The following CDKN2B-AS1 variants were observed in gnomAD, a reference collection of about 807,000 sequenced individuals.
The protein encoded by CDKN2B-AS1 is CDKN2B antisense RNA 1 (non-protein coding).
At chr9:22,071,285 CTTTTTTTTTTTTTTT>C (rs71336509) in intron 4 of CDKN2B-AS1, among the ~76,000 whole-genome samples, 1 of 67,580 alleles carries the variant, frequency 1.5e-5, no homozygotes, top group Non-Finnish European at 2.5e-5. Flanking sequence ...AAATATCTAG[CTTTTTTTTTTTTTTT>C]TTTTTTTTTT....
At position 22,128,087 on chromosome 9, in the gene CDKN2B-AS1, C is replaced by T. The variant is rs111685664; in HGVS notation, n.1423C>T. Among the ~76,000 whole-genome samples the T allele has an allele frequency of 2.1e-3, 314 of 152,150 alleles. 2 individuals carry two copies. The highest frequency in any genetic ancestry group is 7.2e-3 in the African/African-American group (297 of 41,524). ...TATAATATTAAAACATTTCTGATAC[C>T]TATGCATTATATTGGATCAATATAT... On this transcript the variant is annotated non_coding_transcript_exon_variant, in exon 5 of 5. Coordinates refer to ENST00000650946, the Ensembl canonical transcript of CDKN2B-AS1.
intron 4 of CDKN2B-AS1, among the ~76,000 whole-genome samples, chr9:22,114,490 A>G (rs1466214423): frequency 6.6e-6 from 1 of 152,212 alleles, no homozygotes; most frequent in African/African-American, 2.4e-5. Flanking sequence ...TGTAAGACTC[A>G]TCCCCATGAA....
chr9:22,017,850 C>T (rs1821840316), intron 1 of CDKN2B-AS1, among the ~76,000 whole-genome samples: 1 of 146,774 alleles, frequency 6.8e-6, no homozygotes, highest in South Asian at 2.1e-4. Context: ...TAAACTACTG[C>T]TGAAACAACT....
chr9:22,058,237 T>C (rs543277918), intron 4 of CDKN2B-AS1: 2 of 152,342 alleles, frequency 1.3e-5, no homozygotes, highest in South Asian at 4.1e-4. Flanking sequence ...GTATTGAAAA[T>C]AGATTGCCTC....
intron 4 of CDKN2B-AS1, chr9:22,062,174 T>G (rs1823848406): frequency 6.6e-6 from 1 of 152,212 alleles, no homozygotes. Context: ...GCTGGCTCCC[T>G]ATCAGTTCTA....
chr9:22,080,569 A>G (rs757283791), intron 4 of CDKN2B-AS1, among the ~76,000 whole-genome samples: 11 of 152,342 alleles, frequency 7.2e-5, no homozygotes, highest in Middle Eastern at 3.4e-3. Context: ...ATCAAACACA[A>G]TGGGAAATGT....
At chr9:22,035,099 A>G (rs1359187771) in intron 1 of CDKN2B-AS1, among the ~76,000 whole-genome samples, 1 of 152,168 alleles carries the variant, frequency 6.6e-6, no homozygotes, top group Non-Finnish European at 1.5e-5. Context: ...GATGCCTAAT[A>G]AATGGTGACT....
chr9:22,099,367 A>C (rs961047718), intron 4 of CDKN2B-AS1, among the ~76,000 whole-genome samples: 1 of 152,252 alleles, frequency 6.6e-6, no homozygotes, highest in African/African-American at 2.4e-5. Flanking sequence ...AAAAGATTCC[A>C]TCTAAAACTT....
At chr9:22,033,927 G>T (rs1356471888) in intron 1 of CDKN2B-AS1, among the ~76,000 whole-genome samples, 1 of 152,166 alleles carries the variant, frequency 6.6e-6, no homozygotes, top group Admixed American at 6.5e-5. Context: ...GCTTAAAGTG[G>T]TTTACTGACT....
chr9:22,037,416 C>T (rs1822731845), intron 1 of CDKN2B-AS1, among the ~76,000 whole-genome samples: 1 of 151,798 alleles, frequency 6.6e-6, no homozygotes, highest in African/African-American at 2.4e-5. Flanking sequence ...TCTGGCAAGA[C>T]TCTACCTGGT....
intron 4 of CDKN2B-AS1, chr9:22,097,477 T>G (rs368169032): frequency 2.6e-5 from 4 of 152,334 alleles, no homozygotes; most frequent in South Asian, 2.1e-4. Context: ...TGCCAAACCT[T>G]TGTGCTTATA....
chr9:22,071,058 C>T (rs974714617), intron 4 of CDKN2B-AS1, among the ~76,000 whole-genome samples: 1 of 151,916 alleles, frequency 6.6e-6, no homozygotes, highest in Non-Finnish European at 1.5e-5. Context: ...TCTGAAACGT[C>T]TATTTCTGTA....
chr9:22,008,773 G>C, intron 1 of CDKN2B-AS1: 1 of 1,608,940 alleles, frequency 6.2e-7, no homozygotes, highest in Non-Finnish European at 8.5e-7. Flanking sequence ...GCCCCCTGCC[G>C]GCGAGGCCCT....
At chr9:21,998,736 T>A (rs1274994815) in intron 1 of CDKN2B-AS1, among the ~76,000 whole-genome samples, 1 of 152,214 alleles carries the variant, frequency 6.6e-6, no homozygotes, top group Non-Finnish European at 1.5e-5. Flanking sequence ...TGTCTTGTTC[T>A]CCTCCTCCCC....
At chr9:22,074,011 G>A (rs1359393021) in intron 4 of CDKN2B-AS1, among the ~76,000 whole-genome samples, 1 of 151,888 alleles carries the variant, frequency 6.6e-6, no homozygotes, top group East Asian at 1.9e-4. Context: ...CTACAGGTGT[G>A]TGCCACCACA....
At chr9:22,092,673 C>T (rs1294935383) in intron 4 of CDKN2B-AS1, among the ~76,000 whole-genome samples, 6 of 152,060 alleles carry the variant, frequency 3.9e-5, no homozygotes, top group Non-Finnish European at 5.9e-5. Flanking sequence ...GGTGATATCC[C>T]CTTTTAATTT....
intron 1 of CDKN2B-AS1, among the ~76,000 whole-genome samples, chr9:22,016,020 G>A (rs1456204801): frequency 2.0e-5 from 3 of 152,098 alleles, no homozygotes; most frequent in Non-Finnish European, 2.9e-5. Flanking sequence ...AGTAGGTCGC[G>A]AAAATTTTCT....
intron 1 of CDKN2B-AS1, among the ~76,000 whole-genome samples, chr9:22,008,412 G>T (rs1821300106): frequency 6.6e-6 from 1 of 152,034 alleles, no homozygotes; most frequent in Admixed American, 6.6e-5. Flanking sequence ...CTATGATTTT[G>T]TAGAATTCCT....
chr9:22,097,679 T>G (rs1355553414), intron 4 of CDKN2B-AS1, among the ~76,000 whole-genome samples: 1 of 152,172 alleles, frequency 6.6e-6, no homozygotes, highest in Non-Finnish European at 1.5e-5. Context: ...TATTGTCCTT[T>G]AAAGGTGAAG....
Sources: gnomAD v4.1 joint callset for allele counts (sites outside exome capture counted in the v4.1 genomes callset) on GRCh38, gnomAD v4.1.1 for gene constraint, MANE v1.5 for transcripts, NCBI Gene and HGNC (gene_info 2026-07-23, HGNC 2026-07-21) for gene names.